The following GPHN variants were observed in gnomAD, a reference collection of about 807,000 sequenced individuals.
The protein encoded by GPHN is gephyrin.
GPHN carries 17 observed loss-of-function variants against 95.5 expected under a neutral mutation model. That is an observed-to-expected ratio of 0.18 (90% CI 0.12 to 0.27). The LOEUF (loss-of-function observed/expected upper bound fraction) is 0.27. GPHN is among the 10% of genes least tolerant of loss of function. The pLI, the probability that GPHN is intolerant of heterozygous loss-of-function variation, is 1.00. For missense variants in GPHN, 660 were observed against 978.1 expected (o/e 0.67, Z 4.34); for synonymous variants, 320 against 322.5 (o/e 0.99, Z 0.08).
At chr14:67,057,407 T>TGGGGGG (rs144173316) in intron 10 of GPHN, among the ~76,000 whole-genome samples, 2 of 124,508 alleles carry the variant, frequency 1.6e-5, no homozygotes, top group Admixed American at 8.6e-5. Flanking sequence ...CATGGGCACA[T>TGGGGGG]GGGTGGGGGG....
At chr14:66,774,724 T>A (rs2153460202) in intron 2 of GPHN, among the ~76,000 whole-genome samples, 1 of 152,338 alleles carries the variant, frequency 6.6e-6, no homozygotes, top group South Asian at 2.1e-4. Flanking sequence ...ATATATGATT[T>A]CCATAATTAT....
chr14:66,896,994 A>T (rs2064887002), intron 5 of GPHN, among the ~76,000 whole-genome samples: 1 of 152,160 alleles, frequency 6.6e-6, no homozygotes. Flanking sequence ...CAGCTGATAC[A>T]TATGAAAATT....
intron 12 of GPHN, among the ~76,000 whole-genome samples, chr14:67,094,782 T>G (rs931010877): frequency 6.6e-6 from 1 of 152,196 alleles, no homozygotes; most frequent in African/African-American, 2.4e-5. Flanking sequence ...GCTGAAAAAT[T>G]CCTATTGCCA....
At chr14:66,654,066 A>G (rs2065185310) in intron 1 of GPHN, among the ~76,000 whole-genome samples, 1 of 152,206 alleles carries the variant, frequency 6.6e-6, no homozygotes, top group African/African-American at 2.4e-5. Context: ...AATTCTTTCC[A>G]TCTTCACCAG....
chr14:66,702,228 G>A (rs1328667000), intron 2 of GPHN, among the ~76,000 whole-genome samples: 1 of 152,184 alleles, frequency 6.6e-6, no homozygotes, highest in Non-Finnish European at 1.5e-5. Flanking sequence ...TAGTTTTGGG[G>A]AATCCAGGCA....
At chr14:67,309,503 T>A in the GPHN span, among the ~76,000 whole-genome samples, 1 of 152,140 alleles carries the variant, frequency 6.6e-6, no homozygotes, top group East Asian at 1.9e-4. Context: ...ACTTGTCACA[T>A]AAGTAAAGCA....
the GPHN span, among the ~76,000 whole-genome samples, chr14:67,517,134 A>G: frequency 6.6e-6 from 1 of 152,224 alleles, no homozygotes; most frequent in Admixed American, 6.5e-5. Context: ...CGCAGGAGAC[A>G]GTGTCTCAGG....
intron 17 of GPHN, among the ~76,000 whole-genome samples, chr14:67,125,544 A>G (rs1301577418): frequency 6.6e-6 from 1 of 152,236 alleles, no homozygotes; most frequent in Non-Finnish European, 1.5e-5. Flanking sequence ...TGGGAGGCCA[A>G]GGCGGGCGGA....
chr14:67,668,473 TTTG>T, the GPHN span, among the ~76,000 whole-genome samples: 1 of 152,260 alleles, frequency 6.6e-6, no homozygotes. Flanking sequence ...AAATACAGTT[TTTG>T]TTGTTTTAAT....
At chr14:66,712,731 A>G (rs777494050) in intron 2 of GPHN, among the ~76,000 whole-genome samples, 3 of 152,208 alleles carry the variant, frequency 2.0e-5, no homozygotes, top group African/African-American at 4.8e-5. Context: ...ACTGTTTTCC[A>G]TAGTGGTTCT....
chr14:66,582,224 G>T (rs1212035910), intron 1 of GPHN, among the ~76,000 whole-genome samples: 1 of 151,962 alleles, frequency 6.6e-6, no homozygotes, highest in Admixed American at 6.6e-5. Flanking sequence ...ATTCATAACA[G>T]AAGGAATATT....
chr14:67,388,662 G>A, the GPHN span, among the ~76,000 whole-genome samples: 1 of 152,128 alleles, frequency 6.6e-6, no homozygotes, highest in Non-Finnish European at 1.5e-5. Flanking sequence ...AAAGCAATCA[G>A]AAATATATAT....
chr14:67,317,863 G>T, the GPHN span, among the ~76,000 whole-genome samples: 4 of 152,176 alleles, frequency 2.6e-5, no homozygotes, highest in Non-Finnish European at 5.9e-5. Context: ...ACACACAAGA[G>T]AATTTTAGTT....
rs77323309 is a variant in GPHN, at chr14:66,647,924, G to T, written c.65-33183G>T. Among the ~76,000 whole-genome samples the T allele has an allele frequency of 3.6e-3, 555 of 152,280 alleles. 12 individuals carry two copies. The highest frequency in any genetic ancestry group is 0.013 in the African/African-American group (529 of 41,554). On this transcript the variant is annotated intron_variant, in intron 1 of 22. Transcript: ENST00000478722. Reference sequence around the variant, plus strand: ...AGGCAATCAGCTTGCAAATTCAAAGGAAGTTGCTATTACCTGTATTTTCTC... The same window carrying T: ...AGGCAATCAGCTTGCAAATTCAAAGTAAGTTGCTATTACCTGTATTTTCTC...
At chr14:67,379,308 A>G in the GPHN span, among the ~76,000 whole-genome samples, 1 of 152,204 alleles carries the variant, frequency 6.6e-6, no homozygotes, top group Non-Finnish European at 1.5e-5. Flanking sequence ...AATTTGGTAT[A>G]TATCTGATTT....
At chr14:66,721,115 C>T (rs893917525) in intron 2 of GPHN, among the ~76,000 whole-genome samples, 1 of 152,154 alleles carries the variant, frequency 6.6e-6, no homozygotes, top group South Asian at 2.1e-4. Flanking sequence ...TGTGGAAATT[C>T]TTACCCAGTC....
chr14:67,582,322 G>T, the GPHN span: 1 of 1,555,266 alleles, frequency 6.4e-7, no homozygotes, highest in South Asian at 1.2e-5. This position sits in a 1 kb window ranked among gnomAD's most constrained non-coding sequence, Gnocchi z 5.0. Context: ...TCAGGAGAGG[G>T]CAGCTTTGCC....
chr14:67,208,370 T>G, the GPHN span: 1 of 1,613,938 alleles, frequency 6.2e-7, no homozygotes, highest in Non-Finnish European at 8.5e-7. Flanking sequence ...GGCAAATACA[T>G]CCAAGGAGAT....
At chr14:66,958,826 A>G (rs559946389) in intron 8 of GPHN, among the ~76,000 whole-genome samples, 1 of 152,224 alleles carries the variant, frequency 6.6e-6, no homozygotes, top group African/African-American at 2.4e-5. Context: ...TGGATAGTTT[A>G]TGTACATTTA....
Sources: allele counts gnomAD v4.1 joint callset (sites outside exome capture counted in the v4.1 genomes callset), GRCh38; gene constraint gnomAD v4.1.1; non-coding constraint Gnocchi (gnomAD v3.1); transcripts MANE v1.5; gene names NCBI Gene and HGNC (gene_info 2026-07-23, HGNC 2026-07-21).